DDC: variants seen among roughly 807,000 people sequenced by gnomAD.
The protein encoded by DDC is dopa decarboxylase.
A neutral mutation model predicts 60.0 loss-of-function variants in DDC; 43 were observed. The observed-to-expected ratio is 0.72, with a 90% confidence interval of 0.56 to 0.92. The LOEUF (loss-of-function observed/expected upper bound fraction) is 0.92, where lower values mean the gene tolerates loss of function less well. DDC is among the 40% of genes least tolerant of loss of function. The pLI is 0.00. For synonymous variants in DDC, 232 were observed against 234.6 expected, an observed-to-expected ratio of 0.99 and a Z score of 0.10; for missense variants, 573 against 620.2, an observed-to-expected ratio of 0.92 and a Z score of 0.81.
intron 11 of DDC, among the ~76,000 whole-genome samples, chr7:50,475,027 T>G (rs1434126467): frequency 6.6e-6 from 1 of 152,186 alleles, no homozygotes; most frequent in Non-Finnish European, 1.5e-5. Flanking sequence ...TTATACCATA[T>G]AACATGGGAT....
At chr7:50,524,204 G>A (rs553412400) in intron 6 of DDC, among the ~76,000 whole-genome samples, 14 of 152,232 alleles carry the variant, frequency 9.2e-5, no homozygotes, top group African/African-American at 3.1e-4. Context: ...GATTTTTATG[G>A]CAGTGAAACT....
chr7:50,510,325 G>T (rs1470749), intron 6 of DDC, among the ~76,000 whole-genome samples: 65,625 of 151,728 alleles, frequency 0.43, 14,773 homozygotes, highest in Non-Finnish European at 0.51. Context: ...TTATAGATAA[G>T]TAAATAAGTA....
At chr7:50,553,549 C>T (rs541516165) in intron 1 of DDC, among the ~76,000 whole-genome samples, 12 of 130,634 alleles carry the variant, frequency 9.2e-5, no homozygotes, top group East Asian at 4.9e-4. Context: ...TGCAGTGGAA[C>T]GATCTTGGCT....
intron 4 of DDC, among the ~76,000 whole-genome samples, chr7:50,533,920 T>C (rs1348290732): frequency 1.3e-5 from 2 of 152,168 alleles, no homozygotes; most frequent in Non-Finnish European, 2.9e-5. Context: ...AAATGAGTGC[T>C]CAGACACAGG....
chr7:50,551,922 G>A (rs548970977), intron 1 of DDC, among the ~76,000 whole-genome samples: 2 of 152,230 alleles, frequency 1.3e-5, no homozygotes, highest in South Asian at 4.1e-4. Context: ...GAGGCAGCAA[G>A]CTGAAGACTC....
chr7:50,503,754 T>A (rs1422753698), intron 7 of DDC, among the ~76,000 whole-genome samples: 2 of 152,118 alleles, frequency 1.3e-5, no homozygotes, highest in Admixed American at 6.5e-5. Context: ...ATTGCTCGGA[T>A]TTTTTTTCTT....
chr7:50,463,092 G>A (rs1009043314), intron 14 of DDC, 121 bp downstream of exon 14: 8 of 798,786 alleles, frequency 1.0e-5, no homozygotes, highest in South Asian at 4.6e-5. Context: ...TTAAGGTGAG[G>A]GAAATGCACT....
chr7:50,495,578 G>A (rs1408691041), intron 8 of DDC, among the ~76,000 whole-genome samples, 161 bp from the exon 9 acceptor site: 2 of 152,114 alleles, frequency 1.3e-5, no homozygotes, highest in Non-Finnish European at 2.9e-5. Flanking sequence ...GTAGTGGGTA[G>A]GGGAGTCTTC....
chr7:50,480,931 C>A (rs760044325), intron 9 of DDC, among the ~76,000 whole-genome samples: 1 of 152,168 alleles, frequency 6.6e-6, no homozygotes, highest in African/African-American at 2.4e-5. Flanking sequence ...ACTGGGCTGG[C>A]CTTTGAAGGG....
intron 8 of DDC, among the ~76,000 whole-genome samples, chr7:50,497,770 T>C (rs1266136255): frequency 6.6e-6 from 1 of 152,192 alleles, no homozygotes; most frequent in Non-Finnish European, 1.5e-5. Context: ...ATGTAAGTCC[T>C]AGGTTGTATT....
intron 6 of DDC, 31 bp downstream of exon 6, chr7:50,528,106 G>A (rs759094667): frequency 3.1e-6 from 5 of 1,610,734 alleles, no homozygotes; most frequent in Non-Finnish European, 4.2e-6. Context: ...TCACCTTATT[G>A]GCCAGGAGCC....
At chr7:50,509,577 A>C (rs938758091) in intron 6 of DDC, among the ~76,000 whole-genome samples, 1 of 152,178 alleles carries the variant, frequency 6.6e-6, no homozygotes, top group African/African-American at 2.4e-5. Context: ...TCATTTGCCC[A>C]GTGGAATCTG....
At chr7:50,553,441 C>T (rs982840274) in intron 1 of DDC, among the ~76,000 whole-genome samples, 1 of 151,700 alleles carries the variant, frequency 6.6e-6, no homozygotes, top group African/African-American at 2.4e-5. Context: ...TGATTTCCCC[C>T]TGGATTAGCT....
intron 5 of DDC, among the ~76,000 whole-genome samples, 178 bp downstream of exon 5, chr7:50,529,030 A>G (rs2044120886): frequency 6.6e-6 from 1 of 152,096 alleles, no homozygotes; most frequent in East Asian, 1.9e-4. Flanking sequence ...TCTTAACTTG[A>G]TCTATCCAGT....
At chr7:50,549,379 G>A (rs747675130) in intron 1 of DDC, among the ~76,000 whole-genome samples, 8 of 152,282 alleles carry the variant, frequency 5.3e-5, no homozygotes, top group Admixed American at 2.0e-4. Context: ...TGGGCCGGGC[G>A]CAGTGGCTCA....
intron 6 of DDC, among the ~76,000 whole-genome samples, chr7:50,526,590 CAAAT>C (rs1016862184): frequency 5.9e-5 from 9 of 152,176 alleles, no homozygotes; most frequent in African/African-American, 1.9e-4. Flanking sequence ...AAATAAAAAA[CAAAT>C]AGACAGCAGA....
At chr7:50,520,615 C>T (rs1012631258) in intron 6 of DDC, among the ~76,000 whole-genome samples, 1 of 152,086 alleles carries the variant, frequency 6.6e-6, no homozygotes, top group Non-Finnish European at 1.5e-5. Context: ...GAAAAAAAGG[C>T]AATTTAAATG....
At chr7:50,492,818 G>T in intron 9 of DDC, 4 of 1,506,146 alleles carry the variant, frequency 2.7e-6, no homozygotes, top group Non-Finnish European at 3.5e-6. Context: ...CGCCGGGGAA[G>T]AGTTGTCCGG....
At chr7:50,483,049 A>C (rs1475133435) in intron 9 of DDC, among the ~76,000 whole-genome samples, 3 of 152,100 alleles carry the variant, frequency 2.0e-5, no homozygotes, top group Admixed American at 6.5e-5. Flanking sequence ...TCCAGTGTTG[A>C]ATAGAAGTGC....
Sources: allele counts gnomAD v4.1 joint callset (sites outside exome capture counted in the v4.1 genomes callset), GRCh38; gene constraint gnomAD v4.1.1; transcripts MANE v1.5; gene names NCBI Gene and HGNC (gene_info 2026-07-23, HGNC 2026-07-21).